TTN: variants seen among roughly 807,000 people sequenced by gnomAD.
TTN encodes connectin.
TTN carries 1,525 observed loss-of-function variants against 3,223.0 expected under a neutral mutation model. The ratio of observed to expected loss-of-function variants is 0.47; its 90% confidence interval spans 0.45 to 0.49. The LOEUF (loss-of-function observed/expected upper bound fraction) is 0.49, where lower values mean the gene tolerates loss of function less well. TTN is among the 20% of genes least tolerant of loss of function. The probability of loss-of-function intolerance (pLI) is 0.00; values close to 1 mark genes in which losing one functional copy is unlikely to be tolerated. For synonymous variants in TTN, 14,094 were observed against 15,161.0 expected (o/e 0.93, Z 5.17); for missense variants, 40,786 against 43,424.0 (o/e 0.94, Z 5.40).
chr2:178,676,996 A>G (rs2068214770), intron 147 of TTN, among the ~76,000 whole-genome samples: 1 of 151,746 alleles, frequency 6.6e-6, no homozygotes, highest in Non-Finnish European at 1.5e-5. Flanking sequence ...TTCTGGGACA[A>G]TGCTTCCTTT....
At position 178,577,106 on chromosome 2, in the gene TTN, G is replaced by A. The variant is rs529270980; in HGVS notation, c.69229C>T (p.Leu23077Phe). Residue 23077 changes from leucine (L) to phenylalanine (F), a missense_variant, in exon 324 of 363, where the codon CTT becomes TTT. Coordinates refer to ENST00000589042, the MANE Select transcript of TTN (RefSeq NM_001267550.2). ...AGTCGGCTGGTTTCTCTCTTTTCAA[G>A]TATATAGGACTTAATTGGTGAGCCG... is the stretch of plus-strand genomic sequence containing the variant. ...DGGSPIKSYI[L>F]EKRETSRLLW... is the part of the protein sequence containing the mutation. The A allele has an allele frequency of 1.1e-5, 17 of 1,613,234 alleles. No individual in the cohort carries two copies. In the African/African-American group the frequency reaches 1.5e-4, roughly 14 times the overall value.
chr2:178,663,765 A>G (rs1432568484), intron 170 of TTN, 54 bp downstream of exon 170: 18 of 1,612,074 alleles, frequency 1.1e-5, no homozygotes, highest in Non-Finnish European at 1.4e-5. Context: ...ACTGGAAAAA[A>G]TATCTTCAAG....
Position 178,707,828 on chromosome 2 carries a change from G to C in TTN, c.28754-15C>G. ...CTTCTTAGGTTCTGGAATTGAAAAG[G>C]TATTTTCATGAGGAACATAAAGGCA... On this transcript the variant is annotated splice_polypyrimidine_tract_variant and intron_variant, in intron 99 of 362. Transcript: ENST00000589042. 6.4e-7 allele frequency: 1 copy of C among 1,561,810 alleles called. No homozygotes were observed. Among genetic ancestry groups the C allele is most frequent in the Non-Finnish European group, 8.7e-7 (1 of 1,153,140 alleles).
At chr2:178,757,231 T>TCCTGTACTTGCTTTAAGTA (rs2087536059) in intron 45 of TTN, among the ~76,000 whole-genome samples, 1 of 148,872 alleles carries the variant, frequency 6.7e-6, no homozygotes, top group Non-Finnish European at 1.5e-5. Context: ...TAAGTAATAA[T>TCCTGTACTTGCTTTAAGTA]CAGCAAATAG....
At chr2:178,800,731 T>C (rs773735346) in intron 3 of TTN, 49 bp from the exon 4 acceptor site, 54 of 1,537,000 alleles carry the variant, frequency 3.5e-5, no homozygotes, top group Non-Finnish European at 4.6e-5. Context: ...GGGTGCTCCC[T>C]ACAAGGTATT....
At chr2:178,760,413 C>T (rs1301666161) in intron 43 of TTN, among the ~76,000 whole-genome samples, 1 of 152,028 alleles carries the variant, frequency 6.6e-6, no homozygotes, top group Non-Finnish European at 1.5e-5. Flanking sequence ...ACCTATAATC[C>T]CAGCTATTCA....
chr2:178,555,768 T>A (rs1306548828), intron 330 of TTN: 1 of 152,416 alleles, frequency 6.6e-6, no homozygotes, highest in Non-Finnish European at 1.5e-5. Flanking sequence ...AAGATGGAAG[T>A]GGATACTTTT....
intron 9 of TTN, among the ~76,000 whole-genome samples, chr2:178,792,518 C>T (rs1289720719): frequency 6.6e-6 from 1 of 152,178 alleles, no homozygotes; most frequent in Non-Finnish European, 1.5e-5. Flanking sequence ...CTAATTCTGT[C>T]ATCTAAAGGT....
rs1304113463 is a variant in TTN, at chr2:178,750,708, C to G, written c.11311+2416G>C. On this transcript the variant is annotated intron_variant, in intron 47 of 362. Coordinates refer to ENST00000589042, the MANE Select transcript of TTN (RefSeq NM_001267550.2). ...CTCAAATCATCCTTTTTTATTCTTT[C>G]ACTAGCTATTTCTTCACTTTCTTCA... 6.2e-7 allele frequency: 1 copy of G among 1,612,462 alleles called. No homozygotes were observed. Among genetic ancestry groups the G allele is most frequent in the African/African-American group, 1.3e-5 (1 of 74,812 alleles).
intron 80 of TTN, 60 bp from the exon 81 acceptor site, chr2:178,720,324 T>C (rs1376123146): frequency 1.9e-6 from 3 of 1,591,854 alleles, no homozygotes; most frequent in Non-Finnish European, 1.7e-6. Flanking sequence ...ACACAAGTTA[T>C]TAGTTAGGCA....
In TTN at chr2:178,557,545, TC is replaced by T. The variant is rs869312028; in HGVS notation, c.87716del (p.Gly29239AspfsTer32). 1.9e-6 allele frequency: 3 copies of T among 1,613,624 alleles called. No individual in the cohort carries two copies. Among genetic ancestry groups the T allele is most frequent in the Non-Finnish European group, 2.5e-6 (3 of 1,179,780 alleles). On this transcript the variant is annotated frameshift_variant, in exon 329 of 363. Coordinates refer to ENST00000589042, the MANE Select transcript of TTN (RefSeq NM_001267550.2). LOFTEE classifies it high-confidence loss of function. Reference protein sequence around the residue: ...VTVKLPYTTPGPPSTPWVTNV... With the variant: ...VTVKLPYTTPXPPSTPWVTNV... ...TAGTGACCCATGGTGTAGATGGTGG[TC>T]CAGGTGTTGCTACAAAAGAGAGAAA... is the stretch of plus-strand genomic sequence containing the variant.
At chr2:178,755,789 C>T (rs2086773620) in intron 46 of TTN, among the ~76,000 whole-genome samples, 1 of 152,126 alleles carries the variant, frequency 6.6e-6, no homozygotes, top group African/African-American at 2.4e-5. Context: ...CTAGAACCTC[C>T]AGATGTGAAA....
chr2:178,756,650 T>G lies in TTN; in HGVS notation c.10826A>C (p.Glu3609Ala), dbSNP rs1296097993. The G allele has an allele frequency of 6.2e-7, 1 of 1,613,856 alleles. No homozygotes were observed. The highest frequency in any genetic ancestry group is 2.2e-5 in the East Asian group (1 of 44,850). ...AGATACACTTTCAAAAACCTGCACT[T>G]CATATTCATATGATGATCCTTGAAA... ...KSFQGSSYEY[E>A]VQVFESVSQS... Residue 3609 changes from glutamate to alanine, a missense_variant, in exon 46 of 363, where the codon GAA becomes GCA. Transcript: ENST00000589042.
In TTN at chr2:178,683,196, C is replaced by G; in HGVS notation, c.32887+15G>C. 1 of 1,530,724 alleles carries G rather than the reference C, an allele frequency of 6.5e-7. No individual in the cohort carries two copies. Among genetic ancestry groups the G allele is most frequent in the Admixed American group, 2.0e-5 (1 of 51,076 alleles). 94.8% of individuals were successfully genotyped at this position (1,530,724 alleles called of 1,614,324 possible). A position where few individuals can be genotyped will look rare whatever the true frequency, so the allele number is the denominator to read the frequency against. ...AGTTTCATGCCTCACATTACTTAAT[C>G]AAAGTTCAATATACCTTTGATGGGT... On this transcript the variant is annotated intron_variant, in intron 134 of 362. Transcript: ENST00000589042.
chr2:178,613,293 G>T lies in TTN; in HGVS notation c.49533-17C>A. The T allele has an allele frequency of 6.4e-7, 1 of 1,568,012 alleles. No individual in the cohort carries two copies. Among genetic ancestry groups the T allele is most frequent in the Non-Finnish European group, 8.7e-7 (1 of 1,145,308 alleles). On this transcript the variant is annotated splice_polypyrimidine_tract_variant and intron_variant, in intron 263 of 362. Transcript: ENST00000589042. ...CCTTTCACTCTGAATTAGGAACAAA[G>T]TGCATGTGTATCATCATGGTAAGAA...
intron 294 of TTN, 85 bp downstream of exon 294, chr2:178,597,453 G>C: frequency 1.4e-6 from 2 of 1,411,494 alleles, no homozygotes; most frequent in Non-Finnish European, 1.9e-6. Context: ...CAAAATGTTT[G>C]TTACACAGCA....
In TTN at chr2:178,799,920, G is replaced by A. The variant is rs751997307; in HGVS notation, c.584-10C>T. 3 of 1,613,920 alleles carry A rather than the reference G, an allele frequency of 1.9e-6. No individual in the cohort carries two copies. The South Asian group carries it at 3.3e-5, about 18-fold the overall frequency. The stretch of plus-strand genomic sequence containing the variant: ...GGTACTTCTTCTTCACCTGTGGGAA[G>A]GGAAAGATGAATGTTTGGGAGGGGG... On this transcript the variant is annotated splice_polypyrimidine_tract_variant and intron_variant, in intron 4 of 362. Transcript: ENST00000589042.
Position 178,553,996 on chromosome 2 carries a change from T to G in TTN, c.89115A>C (p.Gln29705His). 18 of 1,613,370 alleles carry G rather than the reference T, an allele frequency of 1.1e-5. No individual in the cohort carries two copies. The highest frequency in any genetic ancestry group is 1.4e-5 in the Non-Finnish European group (17 of 1,179,812). The change falls in exon 333 of 363, where the codon CAA (glutamine) becomes CAC (histidine). Residue 29705 changes from glutamine (Q) to histidine (H), a missense_variant. Coordinates refer to ENST00000589042, the MANE Select transcript of TTN (RefSeq NM_001267550.2). ...VTGLTENSDY[Q>H]YRVCAVNAAG... ...CAGCGTTTACAGCACAAACTCTGTA[T>G]TGATAGTCACTGTTTTCTGTGAGTC...
In TTN at chr2:178,558,100, A is replaced by G. The variant is rs985791328; in HGVS notation, c.87254T>C (p.Leu29085Pro). Residue 29085 changes from leucine to proline, a missense_variant, in exon 328 of 363, where the codon CTT becomes CCT. Leu to Pro is a moderately conservative substitution (Grantham distance 98). Transcript: ENST00000589042. ...KVTLSRDGVP[L>P]KATMRFNTEI... ...GGTATTAAATCTCATGGTTGCCTTA[A>G]GGGGGACACCATCTCTTGATAAGGT... The G allele has an allele frequency of 1.2e-6, 2 of 1,613,896 alleles. No individual in the cohort carries two copies. The highest frequency in any genetic ancestry group is 1.7e-6 in the Non-Finnish European group (2 of 1,179,832).
Sources: allele counts gnomAD v4.1 joint callset (sites outside exome capture counted in the v4.1 genomes callset), GRCh38; gene constraint gnomAD v4.1.1; transcripts MANE v1.5; gene names NCBI Gene and HGNC (gene_info 2026-07-23, HGNC 2026-07-21).